The following ANKS1B variants were observed in gnomAD, a reference collection of about 807,000 sequenced individuals.
The protein encoded by ANKS1B is ankyrin repeat and sterile alpha motif domain-containing protein 1B.
ANKS1B carries 36 observed loss-of-function variants against 148.3 expected under a neutral mutation model. The ratio of observed to expected loss-of-function variants is 0.24; its 90% CI spans 0.19 to 0.32. ANKS1B has a LOEUF of 0.32. Ranked by LOEUF, ANKS1B falls within the 10% of genes least tolerant of loss-of-function variation. ANKS1B has a pLI of 1.00. For missense variants in ANKS1B, 1,157 were observed against 1,542.6 expected (o/e 0.75, Z 4.19); for synonymous variants, 542 against 560.8 (o/e 0.97, Z 0.47).
chr12:99,649,322 A>G (rs748978959), intron 9 of ANKS1B: 1 of 1,614,164 alleles, frequency 6.2e-7, no homozygotes, highest in Admixed American at 1.7e-5. Context: ...GAGAAGGAGC[A>G]ATTCAGAATC....
intron 17 of ANKS1B, among the ~76,000 whole-genome samples, chr12:98,920,890 CA>C (rs1349599658): frequency 1.3e-5 from 2 of 152,108 alleles, no homozygotes; most frequent in Admixed American, 6.5e-5. Context: ...TTAAATTCCA[CA>C]AGAGTTAGAA....
chr12:99,623,687 C>T (rs2098081693), intron 9 of ANKS1B, among the ~76,000 whole-genome samples: 1 of 152,008 alleles, frequency 6.6e-6, no homozygotes, highest in African/African-American at 2.4e-5. Context: ...CCTAGGAATA[C>T]ATCTAACCAA....
At chr12:98,904,265 A>G (rs927789672) in intron 17 of ANKS1B, among the ~76,000 whole-genome samples, 9 of 152,246 alleles carry the variant, frequency 5.9e-5, no homozygotes, top group Admixed American at 3.9e-4. Context: ...GGGTGAGGGC[A>G]AGAGTGAAAC....
intron 22 of ANKS1B, among the ~76,000 whole-genome samples, chr12:98,783,637 A>G (rs1048881345): frequency 6.6e-6 from 1 of 152,196 alleles, no homozygotes; most frequent in Non-Finnish European, 1.5e-5. Context: ...TTTTCCAAGT[A>G]GCAAAGAGGC....
intron 17 of ANKS1B, among the ~76,000 whole-genome samples, chr12:98,842,291 A>G (rs2099411195): frequency 6.6e-6 from 1 of 152,222 alleles, no homozygotes; most frequent in Admixed American, 6.5e-5. Context: ...ACAGACCTCA[A>G]AAACATTATG....
intron 9 of ANKS1B, among the ~76,000 whole-genome samples, chr12:99,652,276 G>T (rs1188181589): frequency 6.6e-6 from 1 of 151,888 alleles, no homozygotes; most frequent in Non-Finnish European, 1.5e-5. Flanking sequence ...AGTTTGAGAT[G>T]AGATTGGCCA....
At chr12:99,527,883 CA>C (rs56298024) in intron 9 of ANKS1B, among the ~76,000 whole-genome samples, 31,884 of 139,128 alleles carry the variant, frequency 0.23, 3,406 homozygotes, top group East Asian at 0.32. Flanking sequence ...CATATGGGAC[CA>C]AAAAAAAAAA....
intron 8 of ANKS1B, among the ~76,000 whole-genome samples, chr12:99,712,860 G>C (rs1387676429): frequency 6.6e-6 from 1 of 152,070 alleles, no homozygotes; most frequent in Non-Finnish European, 1.5e-5. Context: ...TGGCTGGAGG[G>C]TCCATCCTCT....
In ANKS1B at chr12:98,795,773, G is replaced by A. The variant is rs191240652; in HGVS notation, c.3342+3161C>T. On this transcript the variant is annotated intron_variant, in intron 22 of 26. Coordinates refer to ENST00000683438, the MANE Select transcript of ANKS1B (RefSeq NM_001352186.2). ...AGTCTCTGGATTCACAGTGTGGGTA[G>A]TGGAGTGGACTGCCTGGTTTCAAAT... is the stretch of plus-strand genomic sequence containing the variant. 5.5e-3 allele frequency: 2,153 copies of A among 390,852 alleles called. 9 individuals are homozygous for A. Among genetic ancestry groups the A allele is most frequent in the Non-Finnish European group, 9.3e-3 (1,877 of 201,264 alleles). The allele number at this position is 390,852 out of a possible 1,614,324, so 24.2% of individuals were successfully genotyped here.
chr12:99,855,739 G>T (rs2088911032), intron 1 of ANKS1B, among the ~76,000 whole-genome samples: 1 of 151,976 alleles, frequency 6.6e-6, no homozygotes, highest in East Asian at 1.9e-4. Flanking sequence ...AAATAAAATG[G>T]AAAATCAACT....
At chr12:99,750,950 T>A (rs1357965899) in intron 8 of ANKS1B, among the ~76,000 whole-genome samples, 1 of 152,106 alleles carries the variant, frequency 6.6e-6, no homozygotes, top group Admixed American at 6.6e-5. Context: ...CTAATATAGC[T>A]TATGATTATA....
At chr12:99,624,932 A>G (rs1279145943) in intron 9 of ANKS1B, among the ~76,000 whole-genome samples, 1 of 152,178 alleles carries the variant, frequency 6.6e-6, no homozygotes, top group Non-Finnish European at 1.5e-5. Context: ...TCGACCAAAA[A>G]GAAACCTGCG....
intron 8 of ANKS1B, among the ~76,000 whole-genome samples, chr12:99,718,483 C>G (rs1346897270): frequency 1.3e-5 from 2 of 152,148 alleles, no homozygotes; most frequent in South Asian, 2.1e-4. Flanking sequence ...CGCTCAATGC[C>G]GATATCCCAT....
At chr12:98,872,244 A>T (rs61933628) in intron 17 of ANKS1B, among the ~76,000 whole-genome samples, 16,883 of 152,260 alleles carry the variant, frequency 0.11, 1,180 homozygotes, top group South Asian at 0.16. Context: ...GGGCTTTAAA[A>T]GAGCTAATTA....
intron 11 of ANKS1B, among the ~76,000 whole-genome samples, chr12:99,417,261 A>C (rs939131693): frequency 2.6e-5 from 4 of 152,208 alleles, no homozygotes; most frequent in Non-Finnish European, 5.9e-5. Context: ...GTCAAGTTTC[A>C]ACTTGTGGCC....
At chr12:98,789,929 CATAA>C (rs2098832747) in intron 22 of ANKS1B, among the ~76,000 whole-genome samples, 1 of 152,062 alleles carries the variant, frequency 6.6e-6, no homozygotes, top group African/African-American at 2.4e-5. Context: ...CCTACAAATG[CATAA>C]ATAATTGGTC....
intron 17 of ANKS1B, among the ~76,000 whole-genome samples, chr12:98,919,272 G>C (rs2099798274): frequency 6.6e-6 from 1 of 152,152 alleles, no homozygotes; most frequent in Non-Finnish European, 1.5e-5. Context: ...AAAGAGGATG[G>C]TGTGATCCTG....
intron 17 of ANKS1B, among the ~76,000 whole-genome samples, chr12:98,886,075 T>C (rs2099739411): frequency 1.3e-5 from 2 of 151,672 alleles, no homozygotes. Context: ...GAAGAAAAAA[T>C]ATAAAATGAA....
At chr12:99,372,133 G>GTAAT (rs1190473764) in intron 12 of ANKS1B, among the ~76,000 whole-genome samples, 3 of 152,008 alleles carry the variant, frequency 2.0e-5, no homozygotes, top group African/African-American at 7.2e-5. Flanking sequence ...TGGAGTTTGG[G>GTAAT]TAATAATGGT....
Sources: allele counts gnomAD v4.1 joint callset (sites outside exome capture counted in the v4.1 genomes callset), GRCh38; gene constraint gnomAD v4.1.1; transcripts MANE v1.5; gene names NCBI Gene and HGNC (gene_info 2026-07-23, HGNC 2026-07-21).